The following DNAH7 variants were observed in gnomAD, a reference collection of about 807,000 sequenced individuals.
DNAH7 encodes dynein axonemal heavy chain 7, also known as axonemal beta dynein heavy chain 7.
In DNAH7, 397 loss-of-function variants were observed where a neutral mutation model predicts 444.6. That is an observed-to-expected ratio of 0.89 (90% CI 0.82 to 0.97). The LOEUF (loss-of-function observed/expected upper bound fraction) is 0.97, where lower values mean the gene tolerates loss of function less well. DNAH7 is among the 50% of genes least tolerant of loss of function. The pLI, the probability that DNAH7 is intolerant of heterozygous loss-of-function variation, is 0.00. For missense variants in DNAH7, 4,902 were observed against 4,800.8 expected (o/e 1.02, Z -0.62); for synonymous variants, 1,636 against 1,624.4 (o/e 1.01, Z -0.17).
intron 5 of DNAH7, among the ~76,000 whole-genome samples, chr2:196,035,640 A>G (rs1367335170): frequency 6.6e-6 from 1 of 152,222 alleles, no homozygotes; most frequent in Admixed American, 6.5e-5. Context: ...AATCCAGCAG[A>G]GAAAAAACAG....
In DNAH7 at chr2:195,954,443, T is replaced by A. The variant is rs1010724070; in HGVS notation, c.3078+2818A>T. Among the ~76,000 whole-genome samples, 9 of 152,336 alleles carry A rather than the reference T, an allele frequency of 5.9e-5. No individual in the cohort carries two copies. In the East Asian group the frequency reaches 1.7e-3, roughly 29 times the overall value. ...AGTCTATCACTGATGGACACTTGGG[T>A]TGGTTCCAAGTCTTTGCTATTGTGA... is the stretch of plus-strand genomic sequence containing the variant. On this transcript the variant is annotated intron_variant, in intron 19 of 64. Transcript: ENST00000312428.
intron 15 of DNAH7, among the ~76,000 whole-genome samples, chr2:195,981,267 C>A (rs923954521): frequency 2.6e-5 from 4 of 151,694 alleles, no homozygotes; most frequent in Non-Finnish European, 5.9e-5. Flanking sequence ...AAATTAAATA[C>A]CTAGGATTAA....
intron 64 of DNAH7, among the ~76,000 whole-genome samples, chr2:195,739,889 G>A (rs1450902082): frequency 6.6e-6 from 1 of 152,078 alleles, no homozygotes; most frequent in East Asian, 1.9e-4. Flanking sequence ...TCCTTTTCGT[G>A]GCCTATTTAG....
At chr2:195,918,329 G>C (rs781658341) in intron 24 of DNAH7, among the ~76,000 whole-genome samples, 12 of 152,304 alleles carry the variant, frequency 7.9e-5, no homozygotes, top group Middle Eastern at 6.8e-3. Flanking sequence ...TGCAAATGGA[G>C]TTCCAAAGTA....
intron 46 of DNAH7, among the ~76,000 whole-genome samples, chr2:195,848,773 AG>A (rs1299849193): frequency 6.6e-6 from 1 of 152,178 alleles, no homozygotes; most frequent in Admixed American, 6.5e-5. Flanking sequence ...TGTGGTTGCA[AG>A]GAAGAAGGGG....
intron 36 of DNAH7, among the ~76,000 whole-genome samples, chr2:195,878,184 T>C (rs945960696): frequency 6.6e-6 from 1 of 152,366 alleles, no homozygotes; most frequent in East Asian, 1.9e-4. Context: ...ATTATTTCAC[T>C]TAGCTTGCCT....
chr2:195,943,699 G>A (rs1249229522), intron 19 of DNAH7, among the ~76,000 whole-genome samples: 3 of 152,080 alleles, frequency 2.0e-5, no homozygotes, highest in African/African-American at 7.2e-5. Flanking sequence ...AGCTACATTA[G>A]CCATGTATCC....
chr2:195,942,563 T>C (rs1295568427), intron 19 of DNAH7, among the ~76,000 whole-genome samples: 4 of 152,052 alleles, frequency 2.6e-5, no homozygotes, highest in Non-Finnish European at 4.4e-5. Context: ...GGTAAAAGCG[T>C]GGAATGAGCA....
chr2:195,824,732 GC>G (rs146454537), intron 48 of DNAH7, among the ~76,000 whole-genome samples: 278 of 152,238 alleles, frequency 1.8e-3, no homozygotes, highest in African/African-American at 6.5e-3. Flanking sequence ...TTCACCAGGC[GC>G]CCAGGTATTA....
At chr2:195,877,733 T>A (rs1161641058) in intron 36 of DNAH7, among the ~76,000 whole-genome samples, 1 of 152,146 alleles carries the variant, frequency 6.6e-6, no homozygotes, top group Non-Finnish European at 1.5e-5. Context: ...AGACGTAGGG[T>A]AACAAGCTGG....
At chr2:195,789,329 T>C (rs145146308) in intron 57 of DNAH7, among the ~76,000 whole-genome samples, 25 of 152,228 alleles carry the variant, frequency 1.6e-4, no homozygotes, top group African/African-American at 4.3e-4. Context: ...TAGGAATTCA[T>C]AGTCCATGCC....
chr2:195,760,197 C>G (rs1006309897), intron 61 of DNAH7, among the ~76,000 whole-genome samples: 9 of 151,898 alleles, frequency 5.9e-5, no homozygotes, highest in African/African-American at 2.2e-4. Flanking sequence ...AAGAAGATAA[C>G]ACAACTGTGT....
chr2:195,758,145 C>T (rs1338442917), intron 61 of DNAH7, among the ~76,000 whole-genome samples: 2 of 152,186 alleles, frequency 1.3e-5, no homozygotes, highest in East Asian at 1.9e-4. Flanking sequence ...CATAATCATG[C>T]TGAATGTTTC....
At chr2:196,061,752 G>A (rs551895284) in intron 1 of DNAH7, among the ~76,000 whole-genome samples, 5 of 152,254 alleles carry the variant, frequency 3.3e-5, no homozygotes, top group South Asian at 2.1e-4. Context: ...AAGAAAGAAC[G>A]GGAAGAGGAA....
intron 21 of DNAH7, 50 bp from the exon 22 acceptor site, chr2:195,926,616 T>C (rs371967271): frequency 4.3e-5 from 65 of 1,502,850 alleles, no homozygotes; most frequent in Admixed American, 1.3e-4. Flanking sequence ...GAACAAGTTA[T>C]ACAATTGAGA....
intron 58 of DNAH7, among the ~76,000 whole-genome samples, chr2:195,786,092 T>A (rs1354361172): frequency 6.6e-6 from 1 of 152,194 alleles, no homozygotes; most frequent in African/African-American, 2.4e-5. Flanking sequence ...AATAAAAGAT[T>A]CTTCACATAA....
intron 5 of DNAH7, among the ~76,000 whole-genome samples, chr2:196,041,469 G>T (rs988424225): frequency 1.3e-5 from 2 of 151,950 alleles, no homozygotes; most frequent in Non-Finnish European, 2.9e-5. Context: ...GGAAAGGACA[G>T]CCTCTTCAAT....
At chr2:195,761,942 A>T (rs1037494841) in intron 61 of DNAH7, among the ~76,000 whole-genome samples, 2 of 152,214 alleles carry the variant, frequency 1.3e-5, no homozygotes, top group African/African-American at 4.8e-5. Flanking sequence ...AGAATATTAT[A>T]ACACTATAAG....
intron 19 of DNAH7, among the ~76,000 whole-genome samples, chr2:195,949,465 G>T (rs1312936596): frequency 6.6e-6 from 1 of 152,086 alleles, no homozygotes; most frequent in African/African-American, 2.4e-5. Flanking sequence ...CGTATTTTCA[G>T]TAGAGATGGA....
Sources: gnomAD v4.1 joint callset for allele counts (sites outside exome capture counted in the v4.1 genomes callset) on GRCh38, gnomAD v4.1.1 for gene constraint, MANE v1.5 for transcripts, NCBI Gene and HGNC (gene_info 2026-07-23, HGNC 2026-07-21) for gene names.